Variants in ATP2B2 observed in about 807,000 individuals in gnomAD.
ATP2B2 encodes ATPase plasma membrane Ca2+ transporting 2, also known as plasma membrane calcium-transporting ATPase 2.
In ATP2B2, 15 loss-of-function variants were observed where a neutral mutation model predicts 120.0. The observed-to-expected ratio is 0.12, with a 90% CI of 0.08 to 0.19. The LOEUF is 0.19. Among genes scored for constraint, ATP2B2 ranks in the 10% least tolerant of loss-of-function variants. ATP2B2 has a pLI of 1.00. For synonymous variants in ATP2B2, 694 were observed against 700.3 expected (o/e 0.99, Z 0.14); for missense variants, 1,045 against 1,719.8 (o/e 0.61, Z 6.94).
At chr3:10,562,014 G>A (rs1318118390) in intron 2 of ATP2B2, among the ~76,000 whole-genome samples, 1 of 152,200 alleles carries the variant, frequency 6.6e-6, no homozygotes, top group African/African-American at 2.4e-5. Context: ...TGCAAAAGCT[G>A]TATCCCTTGT....
Position 10,367,233 on chromosome 3 carries a change from G to A in ATP2B2, c.1659+4576C>T, listed in dbSNP as rs548953234. Among the ~76,000 whole-genome samples, 22 of 152,184 alleles carry A rather than the reference G, an allele frequency of 1.4e-4. No homozygotes were observed. In the South Asian group the frequency reaches 4.6e-3, roughly 32 times the overall value. ...GTGAGCTACACATCTTAAGATCTCT[G>A]GGCCTTTGCAGGGTTGTGCCCCCTG... On this transcript the variant is annotated intron_variant, in intron 12 of 22. Coordinates refer to ENST00000360273, the MANE Select transcript of ATP2B2 (RefSeq NM_001001331.4).
At chr3:10,430,816 C>T (rs1386940115) in intron 2 of ATP2B2, among the ~76,000 whole-genome samples, 3 of 150,912 alleles carry the variant, frequency 2.0e-5, no homozygotes, top group African/African-American at 4.9e-5. Flanking sequence ...TTCTGACATG[C>T]CTATTTTCCC....
rs2060458271 is a variant in ATP2B2 at position 10,347,313 on chromosome 3, C to T, written c.2405-1176G>A. 6.6e-6 allele frequency among the ~76,000 whole-genome samples: 1 copy of T among 152,174 alleles called. No individual in the cohort carries two copies. Among genetic ancestry groups the T allele is most frequent in the Admixed American group, 6.5e-5 (1 of 15,276 alleles). On this transcript the variant is annotated intron_variant, in intron 16 of 22. Transcript: ENST00000360273. The surrounding 1 kb of genome is among the most constrained non-coding windows in gnomAD (Gnocchi z 5.2). ...TCACCCACCTGTACTGTATTTTTGG[C>T]TCAGAGGCTGCTTTTCCCAGGAAGC... is the stretch of plus-strand genomic sequence containing the variant.
intron 1 of ATP2B2, among the ~76,000 whole-genome samples, chr3:10,657,120 C>A (rs9840860): frequency 1.3e-5 from 2 of 152,188 alleles, no homozygotes; most frequent in East Asian, 3.9e-4. Flanking sequence ...TCTTAAAAGA[C>A]ATCTTTGGCT....
chr3:10,687,154 G>A (rs534410326), intron 1 of ATP2B2, among the ~76,000 whole-genome samples: 6 of 152,324 alleles, frequency 3.9e-5, no homozygotes, highest in African/African-American at 1.4e-4. Flanking sequence ...TAAAGAGCAG[G>A]AGTTTGGGGA....
intron 1 of ATP2B2, among the ~76,000 whole-genome samples, chr3:10,479,446 C>T (rs2065320867): frequency 1.3e-5 from 2 of 151,986 alleles, no homozygotes; most frequent in African/African-American, 2.4e-5. Flanking sequence ...ATCCCAACTT[C>T]TCTGGGAGGC....
intron 1 of ATP2B2, among the ~76,000 whole-genome samples, chr3:10,700,377 A>C (rs964854434): frequency 6.6e-6 from 1 of 152,150 alleles, no homozygotes; most frequent in Non-Finnish European, 1.5e-5. Flanking sequence ...ATTTCCTGCG[A>C]TATGTCCCAT....
At chr3:10,364,255 G>C (rs1040284740) in intron 12 of ATP2B2, among the ~76,000 whole-genome samples, 2 of 152,050 alleles carry the variant, frequency 1.3e-5, no homozygotes, top group Non-Finnish European at 2.9e-5. Context: ...CCATTTAATG[G>C]GTACAGAGTT....
intron 5 of ATP2B2, among the ~76,000 whole-genome samples, chr3:10,395,793 T>C (rs1273145744): frequency 6.6e-6 from 1 of 152,204 alleles, no homozygotes; most frequent in Non-Finnish European, 1.5e-5. Context: ...TGGCTCCTCT[T>C]GCAAAGTGAG....
intron 1 of ATP2B2, among the ~76,000 whole-genome samples, chr3:10,706,648 AC>A (rs2071900585): frequency 6.6e-6 from 1 of 152,188 alleles, no homozygotes; most frequent in South Asian, 2.1e-4. Context: ...AAAGGAAATT[AC>A]ACCAGCTGGT....
At chr3:10,643,791 C>T (rs1256173636) in intron 1 of ATP2B2, among the ~76,000 whole-genome samples, 1 of 152,102 alleles carries the variant, frequency 6.6e-6, no homozygotes, top group Non-Finnish European at 1.5e-5. Context: ...AGTATCTGAT[C>T]CTAGACTGGA....
At chr3:10,579,366 C>T (rs1175222866) in intron 2 of ATP2B2, among the ~76,000 whole-genome samples, 1 of 152,214 alleles carries the variant, frequency 6.6e-6, no homozygotes, top group East Asian at 1.9e-4. Flanking sequence ...TGCAGCTGCC[C>T]TTCACTTAGA....
At chr3:10,663,230 T>TATAATA (rs139249355) in intron 1 of ATP2B2, among the ~76,000 whole-genome samples, 67 of 150,382 alleles carry the variant, frequency 4.5e-4, no homozygotes, top group South Asian at 4.3e-4. Context: ...GAATTTAAAG[T>TATAATA]ATAATAATAA....
At chr3:10,362,867 CAT>C (rs141666780) in intron 12 of ATP2B2, among the ~76,000 whole-genome samples, 40 of 151,200 alleles carry the variant, frequency 2.6e-4, no homozygotes, top group Non-Finnish European at 4.3e-4. Flanking sequence ...TATACATATA[CAT>C]ATATATATAT....
At chr3:10,436,095 A>G (rs2063471820) in intron 2 of ATP2B2, among the ~76,000 whole-genome samples, 1 of 152,194 alleles carries the variant, frequency 6.6e-6, no homozygotes, top group Non-Finnish European at 1.5e-5. Context: ...GTCTCCTGGG[A>G]CGTAGAATCA....
chr3:10,336,206 T>C (rs1021920990), intron 22 of ATP2B2: 9 of 1,550,492 alleles, frequency 5.8e-6, no homozygotes, highest in East Asian at 2.4e-5. Flanking sequence ...GCTAGAGAGA[T>C]TGGCTACATC....
intron 2 of ATP2B2, among the ~76,000 whole-genome samples, chr3:10,565,965 C>A (rs1321911102): frequency 1.3e-5 from 2 of 152,188 alleles, no homozygotes; most frequent in Admixed American, 6.5e-5. Context: ...CACCTATCTA[C>A]CTTCCCATCT....
At position 10,340,735 on chromosome 3, in the gene ATP2B2, AG is replaced by A. The variant is rs765446259; in HGVS notation, c.2918-32del. The A allele has an allele frequency of 1.3e-5, 21 of 1,611,990 alleles. No homozygotes were observed. In the African/African-American group the frequency reaches 2.8e-4, roughly 22 times the overall value. On this transcript the variant is annotated intron_variant, in intron 19 of 22. Transcript: ENST00000360273. The surrounding 1 kb of genome is among the most constrained non-coding windows in gnomAD (Gnocchi z 5.0). ...AAGTGAGAGAGTGGGGCTGGGCTGAAGGCAGTGGTGGGGGAATCAGAGGGGA... is the reference window on the plus strand; with the variant it reads ...AAGTGAGAGAGTGGGGCTGGGCTGAAGCAGTGGTGGGGGAATCAGAGGGGA...
intron 1 of ATP2B2, among the ~76,000 whole-genome samples, chr3:10,662,894 A>G (rs187699392): frequency 1.3e-5 from 2 of 152,248 alleles, no homozygotes; most frequent in Admixed American, 6.5e-5. Flanking sequence ...CATATATACC[A>G]TGGAATACCA....
Sources: allele counts gnomAD v4.1 joint callset (sites outside exome capture counted in the v4.1 genomes callset), GRCh38; gene constraint gnomAD v4.1.1; non-coding constraint Gnocchi (gnomAD v3.1); transcripts MANE v1.5; gene names NCBI Gene and HGNC (gene_info 2026-07-23, HGNC 2026-07-21).